Variants in HCRTR2 observed in about 807,000 individuals in gnomAD.
The protein encoded by HCRTR2 is hypocretin receptor 2.
HCRTR2 carries 22 observed loss-of-function variants against 49.0 expected under a neutral mutation model. The observed-to-expected ratio is 0.45, with a 90% confidence interval of 0.32 to 0.64. The LOEUF (loss-of-function observed/expected upper bound fraction) is 0.64, where lower values mean the gene tolerates loss of function less well. Ranked by LOEUF, HCRTR2 falls within the 30% of genes least tolerant of loss-of-function variation. HCRTR2 has a pLI of 0.04. For synonymous variants in HCRTR2, 236 were observed against 205.3 expected, an observed-to-expected ratio of 1.15 and a Z score of -1.28; for missense variants, 491 against 559.4, an observed-to-expected ratio of 0.88 and a Z score of 1.23.
intron 1 of HCRTR2, among the ~76,000 whole-genome samples, chr6:55,244,561 C>T (rs1766395140): frequency 6.6e-6 from 1 of 151,984 alleles, no homozygotes; most frequent in Non-Finnish European, 1.5e-5. Context: ...TTCAGAGAAG[C>T]ACAAAGTCCA....
intron 1 of HCRTR2, among the ~76,000 whole-genome samples, chr6:55,187,213 T>C (rs1765231292): frequency 6.6e-6 from 1 of 151,818 alleles, no homozygotes; most frequent in Non-Finnish European, 1.5e-5. Context: ...GAGACCATCC[T>C]GGCCAACATG....
At chr6:55,228,921 T>G (rs558464284) in intron 1 of HCRTR2, among the ~76,000 whole-genome samples, 4 of 152,304 alleles carry the variant, frequency 2.6e-5, no homozygotes, top group Non-Finnish European at 2.9e-5. Context: ...CACTTTTTTT[T>G]GGGTGAATTC....
chr6:55,257,596 C>T (rs1766677546), intron 3 of HCRTR2, among the ~76,000 whole-genome samples: 1 of 143,986 alleles, frequency 6.9e-6, no homozygotes, highest in Admixed American at 6.9e-5. Context: ...TCATGGATTC[C>T]TGTTCAGTTA....
chr6:55,174,302 G>A, upstream of HCRTR2: 1 of 476,448 alleles, frequency 2.1e-6, no homozygotes, highest in Non-Finnish European at 3.8e-6. Context: ...GCCGGACGTA[G>A]CTTTCTCCTC....
At chr6:55,200,941 G>A (rs1765502257) in intron 1 of HCRTR2, among the ~76,000 whole-genome samples, 1 of 151,932 alleles carries the variant, frequency 6.6e-6, no homozygotes, top group Non-Finnish European at 1.5e-5. Flanking sequence ...TACTGATTTT[G>A]TAGATCCAAA....
intron 1 of HCRTR2, among the ~76,000 whole-genome samples, chr6:55,164,201 T>C (rs1190716259): frequency 6.6e-6 from 1 of 152,196 alleles, no homozygotes; most frequent in East Asian, 1.9e-4. Context: ...TCAACCATTG[T>C]GGAAGACAGT....
chr6:55,131,824 T>C (rs924679695), intron 1 of HCRTR2, among the ~76,000 whole-genome samples: 4 of 151,804 alleles, frequency 2.6e-5, no homozygotes, highest in African/African-American at 9.7e-5. Context: ...GCCAATACTA[T>C]GTGAAAAACT....
intron 1 of HCRTR2, among the ~76,000 whole-genome samples, chr6:55,178,981 TGTTAAAATACATTGTGAAGTATTCATA>T (rs1222739272): frequency 6.6e-6 from 1 of 152,218 alleles, no homozygotes; most frequent in African/African-American, 2.4e-5. Context: ...ACTCATACAT[TGTTAAAATACATTGTGAAGTATTCATA>T]GTTAAAATAA....
intron 1 of HCRTR2, among the ~76,000 whole-genome samples, chr6:55,155,194 A>AT (rs60518784): frequency 0.065 from 8,751 of 134,832 alleles, 1,073 homozygotes; most frequent in East Asian, 0.49. Flanking sequence ...AAATACCAAT[A>AT]TTTTTTTTTT....
intron 1 of HCRTR2, among the ~76,000 whole-genome samples, chr6:55,234,837 C>T (rs936916177): frequency 3.9e-5 from 6 of 152,130 alleles, no homozygotes; most frequent in Non-Finnish European, 5.9e-5. Flanking sequence ...AGCAATTTCA[C>T]TGTTAGATAT....
chr6:55,251,816 G>A (rs921087974), intron 2 of HCRTR2, among the ~76,000 whole-genome samples: 2 of 152,090 alleles, frequency 1.3e-5, no homozygotes, highest in Non-Finnish European at 2.9e-5. Context: ...GGTGCCCATA[G>A]TATAGGTCAA....
intron 4 of HCRTR2, among the ~76,000 whole-genome samples, chr6:55,266,237 C>T (rs972657358): frequency 6.6e-6 from 1 of 152,098 alleles, no homozygotes; most frequent in Non-Finnish European, 1.5e-5. Flanking sequence ...TTAAAAAATG[C>T]ACATTGAAAT....
At chr6:55,157,278 A>G (rs554385949) in intron 1 of HCRTR2, among the ~76,000 whole-genome samples, 1 of 152,364 alleles carries the variant, frequency 6.6e-6, no homozygotes, top group East Asian at 1.9e-4. Flanking sequence ...TTGCAAGAGC[A>G]TCAAAAAAGC....
intron 1 of HCRTR2, among the ~76,000 whole-genome samples, chr6:55,167,797 T>C (rs960289063): frequency 6.6e-6 from 1 of 152,184 alleles, no homozygotes; most frequent in Non-Finnish European, 1.5e-5. Context: ...ACCCACTCTT[T>C]TTCTGCCCTC....
At chr6:55,124,413 A>C (rs1259166641) in intron 1 of HCRTR2, among the ~76,000 whole-genome samples, 1 of 152,130 alleles carries the variant, frequency 6.6e-6, no homozygotes, top group Admixed American at 6.6e-5. Context: ...GTTTCCATGC[A>C]GTTGTGTGGT....
intron 1 of HCRTR2, among the ~76,000 whole-genome samples, chr6:55,118,104 A>G (rs1460240582): frequency 1.3e-5 from 2 of 151,790 alleles, no homozygotes; most frequent in Non-Finnish European, 2.9e-5. Context: ...ATATGCGTCC[A>G]TGTGTTCTCA....
At chr6:55,203,054 G>T (rs891629615) in intron 1 of HCRTR2, among the ~76,000 whole-genome samples, 1 of 152,074 alleles carries the variant, frequency 6.6e-6, no homozygotes, top group Non-Finnish European at 1.5e-5. Context: ...TCATTATTCA[G>T]AGTTCTTCCA....
At position 55,267,371 on chromosome 6, in the gene HCRTR2, T is replaced by C. The variant is rs149779012; in HGVS notation, c.762+3549T>C. The stretch of plus-strand genomic sequence containing the variant: ...CTCATTAAAAGAATTAGCTAATGCA[T>C]TGCTGTGAACTACTTAAATTCTCTC... On this transcript the variant is annotated intron_variant, in intron 4 of 6. Transcript: ENST00000370862. Among the ~76,000 whole-genome samples, 558 of 151,926 alleles carry C rather than the reference T, an allele frequency of 3.7e-3. 5 individuals are homozygous for C. Among genetic ancestry groups the C allele is most frequent in the Non-Finnish European group, 4.2e-3 (284 of 67,936 alleles).
intron 2 of HCRTR2, among the ~76,000 whole-genome samples, chr6:55,249,249 A>G (rs745870017): frequency 1.3e-5 from 2 of 152,110 alleles, no homozygotes; most frequent in Non-Finnish European, 2.9e-5. Context: ...TCTTGAACCA[A>G]TTAATGATCT....
Sources: gnomAD v4.1 joint callset for allele counts (sites outside exome capture counted in the v4.1 genomes callset) on GRCh38, gnomAD v4.1.1 for gene constraint, MANE v1.5 for transcripts, NCBI Gene and HGNC (gene_info 2026-07-23, HGNC 2026-07-21) for gene names.